Variants in RGS9 observed in about 807,000 individuals in gnomAD.
RGS9 encodes the protein regulator of G protein signaling 9, also known as regulator of G-protein signalling 9.
In RGS9, 78 loss-of-function variants were observed where a neutral mutation model predicts 102.0. The ratio of observed to expected loss-of-function variants is 0.76; its 90% CI spans 0.64 to 0.92. The LOEUF (loss-of-function observed/expected upper bound fraction) is 0.92. Among genes scored for constraint, RGS9 ranks in the 40% least tolerant of loss-of-function variants. The pLI, the probability that RGS9 is intolerant of heterozygous loss-of-function variation, is 0.00. For synonymous variants in RGS9, 353 were observed against 318.6 expected (o/e 1.11, Z -1.15); for missense variants, 833 against 866.1 (o/e 0.96, Z 0.48).
intron 5 of RGS9, 81 bp from the exon 6 acceptor site, chr17:65,160,770 C>A: frequency 6.7e-7 from 1 of 1,489,160 alleles, no homozygotes; most frequent in Non-Finnish European, 9.4e-7. Context: ...CGACTCTGAG[C>A]ACAGCAGCCT....
At position 65,149,017 on chromosome 17, in the gene RGS9, A is replaced by T. The variant is rs1598559091; in HGVS notation, c.58-4405A>T. Among the ~76,000 whole-genome samples, 5 of 152,044 alleles carry T rather than the reference A, an allele frequency of 3.3e-5. No individual in the cohort carries two copies. In the East Asian group the frequency reaches 9.6e-4, roughly 29 times the overall value. On this transcript the variant is annotated intron_variant, in intron 1 of 18. Coordinates refer to ENST00000262406, the MANE Select transcript of RGS9 (RefSeq NM_003835.4). ...CTCTCTGTTGCACAGACTGGAGTGC[A>T]GTGACGTGATCTCGGCTCATTGCAA...
At chr17:65,212,660 G>A (rs1040158367) in intron 17 of RGS9, among the ~76,000 whole-genome samples, 3 of 152,226 alleles carry the variant, frequency 2.0e-5, no homozygotes, top group Non-Finnish European at 2.9e-5. Context: ...TAAGGAGTCT[G>A]TGGTCACTGG....
At chr17:65,166,009 G>C (rs1911165948) in intron 7 of RGS9, among the ~76,000 whole-genome samples, 1 of 146,948 alleles carries the variant, frequency 6.8e-6, no homozygotes, top group African/African-American at 2.5e-5. Context: ...TGGGGGCCTG[G>C]AGCAACTGGG....
chr17:65,174,404 TGTGA>T (rs544047587), intron 8 of RGS9, among the ~76,000 whole-genome samples: 77 of 152,182 alleles, frequency 5.1e-4, no homozygotes, highest in Non-Finnish European at 8.4e-4. Flanking sequence ...TGTGCATGTA[TGTGA>T]GTGAGTGTGT....
chr17:65,138,212 T>A (rs1320512509), intron 1 of RGS9, among the ~76,000 whole-genome samples: 5 of 152,196 alleles, frequency 3.3e-5, no homozygotes, highest in Admixed American at 2.6e-4. Flanking sequence ...GGAGGTGGAA[T>A]GCACCTGTGG....
intron 1 of RGS9, among the ~76,000 whole-genome samples, chr17:65,142,496 T>C (rs1199698521): frequency 1.3e-5 from 2 of 152,132 alleles, no homozygotes; most frequent in Non-Finnish European, 2.9e-5. Flanking sequence ...CACTCTACTT[T>C]GAGTTTCTGA....
chr17:65,173,311 G>A lies in RGS9; in HGVS notation c.583-4421G>A, dbSNP rs1911489523. Among the ~76,000 whole-genome samples, 1 of 152,164 alleles carries A rather than the reference G, an allele frequency of 6.6e-6. No individual in the cohort carries two copies. Among genetic ancestry groups the A allele is most frequent in the African/African-American group, 2.4e-5 (1 of 41,422 alleles). On this transcript the variant is annotated intron_variant, in intron 8 of 18. Coordinates refer to ENST00000262406, the MANE Select transcript of RGS9 (RefSeq NM_003835.4). The surrounding 1 kb of genome is among the most constrained non-coding windows in gnomAD (Gnocchi z 4.8). ...TTGTTTTCTGTTCCATGCACCAGAA[G>A]AGTCTGATATTTTTGGGAAGAGAGT... is the stretch of plus-strand genomic sequence containing the variant.
In RGS9 at chr17:65,141,171, T is replaced by G. The variant is rs919891209; in HGVS notation, c.57+3574T>G. ...CTCTGATGCCTGGGCTCGTTTCAGA[T>G]GTGGTAGAAAGAGGCAGAAGGCCCA... On this transcript the variant is annotated intron_variant, in intron 1 of 18. Transcript: ENST00000262406. 3.7e-4 allele frequency among the ~76,000 whole-genome samples: 56 copies of G among 152,302 alleles called. 1 individual carries two copies. The highest frequency in any genetic ancestry group is 1.3e-3 in the African/African-American group (55 of 41,556).
intron 8 of RGS9, among the ~76,000 whole-genome samples, chr17:65,169,853 C>T (rs538680427): frequency 2.0e-5 from 3 of 151,856 alleles, no homozygotes; most frequent in Admixed American, 6.6e-5. Flanking sequence ...CCACCATGAC[C>T]GTCATCCCAC....
At chr17:65,177,198 TCACC>T (rs1455092293) in intron 8 of RGS9, among the ~76,000 whole-genome samples, 3 of 142,730 alleles carry the variant, frequency 2.1e-5, no homozygotes, top group Non-Finnish European at 4.6e-5. Context: ...ATCCGTTTAT[TCACC>T]CACCCACCAT....
intron 8 of RGS9, among the ~76,000 whole-genome samples, chr17:65,172,265 A>G (rs1024264437): frequency 2.0e-5 from 3 of 152,138 alleles, no homozygotes; most frequent in African/African-American, 4.8e-5. Flanking sequence ...GTGCAGTGGC[A>G]TGGTCTTGGC....
chr17:65,146,622 C>T (rs1353882056), intron 1 of RGS9, among the ~76,000 whole-genome samples: 10 of 148,222 alleles, frequency 6.7e-5, no homozygotes, highest in South Asian at 2.2e-4. Context: ...TGGCCGGGCA[C>T]GGTGGCTCAT....
At chr17:65,157,061 C>A (rs894181836) in intron 2 of RGS9, among the ~76,000 whole-genome samples, 1 of 152,060 alleles carries the variant, frequency 6.6e-6, no homozygotes, top group African/African-American at 2.4e-5. Flanking sequence ...GTATATGGGT[C>A]ATAAGAAGAA....
At chr17:65,218,445 T>C (rs984493831) in intron 17 of RGS9, among the ~76,000 whole-genome samples, 14 of 152,224 alleles carry the variant, frequency 9.2e-5, no homozygotes, top group Admixed American at 3.3e-4. Context: ...TGAAGCTAGA[T>C]GGTATGAGAA....
intron 9 of RGS9, among the ~76,000 whole-genome samples, chr17:65,186,195 T>TTTAC (rs1386908672): frequency 6.6e-6 from 1 of 150,962 alleles, no homozygotes; most frequent in Non-Finnish European, 1.5e-5. Flanking sequence ...TATTTATTTA[T>TTTAC]TTATTTATTT....
intron 8 of RGS9, among the ~76,000 whole-genome samples, chr17:65,172,872 T>C (rs115304361): frequency 0.017 from 2,560 of 152,204 alleles, 54 homozygotes; most frequent in African/African-American, 0.059. Context: ...CACAGCAACA[T>C]AAAATTGTCT....
chr17:65,159,187 C>G (rs371723164), intron 3 of RGS9, among the ~76,000 whole-genome samples: 74 of 150,748 alleles, frequency 4.9e-4, no homozygotes, highest in Non-Finnish European at 7.1e-4. Context: ...AACAACCCCC[C>G]CTTTTTCCTT....
chr17:65,141,897 G>A (rs927614520), intron 1 of RGS9, among the ~76,000 whole-genome samples: 1 of 152,220 alleles, frequency 6.6e-6, no homozygotes, highest in African/African-American at 2.4e-5. Flanking sequence ...CCTGCGGGTT[G>A]GGAGAGCTGG....
At position 65,225,193 on chromosome 17, in the gene RGS9, A is replaced by G. The variant is rs779236341; in HGVS notation, c.1599A>G (p.Ser533=). The part of the protein sequence containing the change: ...PSPIRVALES[S]SGLEQKGECS... ...CCATCAGAGTGGCCTTGGAGAGCTC[A>G]TCGGGCTTGGAGCAGAAAGGGGAGT... is the stretch of plus-strand genomic sequence containing the variant. The change falls in exon 18 of 19, where the codon TCA becomes TCG. Residue 533 remains serine, a synonymous_variant. Transcript: ENST00000262406. The G allele has an allele frequency of 1.9e-6, 3 of 1,613,344 alleles. No homozygotes were observed. Among genetic ancestry groups the G allele is most frequent in the Non-Finnish European group, 2.5e-6 (3 of 1,179,996 alleles).
Sources: gnomAD v4.1 joint callset for allele counts (sites outside exome capture counted in the v4.1 genomes callset) on GRCh38, gnomAD v4.1.1 for gene constraint, Gnocchi (gnomAD v3.1) non-coding constraint, MANE v1.5 for transcripts, NCBI Gene and HGNC (gene_info 2026-07-23, HGNC 2026-07-21) for gene names.